The following CAST variants were observed in gnomAD, a reference collection of about 807,000 sequenced individuals.
CAST encodes calpastatin, also known as MIR583 host.
CAST carries 76 observed loss-of-function variants against 119.6 expected under a neutral mutation model. That is an observed-to-expected ratio of 0.64 (90% CI 0.53 to 0.77). CAST has a LOEUF of 0.77. Among genes scored for constraint, CAST ranks in the 30% least tolerant of loss-of-function variants. CAST has a pLI of 0.00. For missense variants in CAST, 953 were observed against 946.5 expected, an observed-to-expected ratio of 1.01 and a Z score of -0.09; for synonymous variants, 319 against 331.6, an observed-to-expected ratio of 0.96 and a Z score of 0.41.
chr5:96,196,891 G>C, the CAST span, among the ~76,000 whole-genome samples: 2 of 152,326 alleles, frequency 1.3e-5, no homozygotes, highest in South Asian at 2.1e-4. Context: ...GCAGCTAGCA[G>C]ACTGTTACAT....
chr5:96,429,216 A>G, the CAST span: 26 of 1,491,568 alleles, frequency 1.7e-5, no homozygotes, highest in South Asian at 2.5e-4. Context: ...CACTTACACG[A>G]TCATCATCAG....
At chr5:96,257,704 C>T in the CAST span, among the ~76,000 whole-genome samples, 1 of 152,220 alleles carries the variant, frequency 6.6e-6, no homozygotes, top group South Asian at 2.1e-4. Context: ...TTTATTGATT[C>T]ATTGGTAACT....
At chr5:96,389,270 A>G in the CAST span, among the ~76,000 whole-genome samples, 1 of 152,216 alleles carries the variant, frequency 6.6e-6, no homozygotes, top group Non-Finnish European at 1.5e-5. Flanking sequence ...TTACCACAAA[A>G]GAAAAAAGGT....
the CAST span, among the ~76,000 whole-genome samples, chr5:95,965,643 T>C: frequency 4.6e-5 from 7 of 152,370 alleles, no homozygotes; most frequent in East Asian, 1.3e-3. Flanking sequence ...CTTGCTCCCT[T>C]GTGCAATGGT....
At chr5:96,547,337 G>A (rs1487930390) in intron 1 of CAST, among the ~76,000 whole-genome samples, 1 of 152,188 alleles carries the variant, frequency 6.6e-6, no homozygotes, top group East Asian at 1.9e-4. Context: ...CCCAGTTCCA[G>A]GCTGAAGGCA....
At chr5:95,999,985 G>C in the CAST span, among the ~76,000 whole-genome samples, 3 of 151,936 alleles carry the variant, frequency 2.0e-5, no homozygotes, top group South Asian at 6.2e-4. Flanking sequence ...GTTTTAATTT[G>C]TTTCCCTAAC....
chr5:96,036,660 G>C, the CAST span, among the ~76,000 whole-genome samples: 1 of 152,084 alleles, frequency 6.6e-6, no homozygotes, highest in East Asian at 1.9e-4. Flanking sequence ...CTAGTGAATA[G>C]GTAAGACTTG....
chr5:96,619,834 C>G (rs973461472), intron 1 of CAST, among the ~76,000 whole-genome samples: 1 of 152,204 alleles, frequency 6.6e-6, no homozygotes, highest in Non-Finnish European at 1.5e-5. Context: ...CATTACAAGT[C>G]CTGCATCTGA....
chr5:96,194,491 A>G, the CAST span, among the ~76,000 whole-genome samples: 1 of 152,224 alleles, frequency 6.6e-6, no homozygotes, highest in Non-Finnish European at 1.5e-5. Context: ...AGCGAAGGAA[A>G]CACAGCTACG....
At chr5:96,393,272 G>A in the CAST span, 21 of 1,613,888 alleles carry the variant, frequency 1.3e-5, no homozygotes, top group Non-Finnish European at 1.6e-5. Context: ...CATGGCCTGG[G>A]AAGGGGCTCC....
chr5:96,430,711 A>G, the CAST span, among the ~76,000 whole-genome samples: 2 of 152,250 alleles, frequency 1.3e-5, no homozygotes, highest in African/African-American at 4.8e-5. Flanking sequence ...TTCTAATAAA[A>G]TAATTTTGTT....
At chr5:96,471,764 CTGTGTGTG>C in the CAST span, among the ~76,000 whole-genome samples, 5 of 70,654 alleles carry the variant, frequency 7.1e-5, no homozygotes, top group Non-Finnish European at 1.2e-4. Context: ...CAAATGGAGT[CTGTGTGTG>C]TGTGTGTGTG....
At chr5:96,679,164 T>C (rs1751044827) in intron 2 of CAST, among the ~76,000 whole-genome samples, 1 of 152,106 alleles carries the variant, frequency 6.6e-6, no homozygotes, top group Non-Finnish European at 1.5e-5. Flanking sequence ...CAGCTACCTA[T>C]AGCAATTGTA....
At chr5:96,119,560 T>C in the CAST span, among the ~76,000 whole-genome samples, 1 of 152,130 alleles carries the variant, frequency 6.6e-6, no homozygotes, top group African/African-American at 2.4e-5. Flanking sequence ...GTTTGCATAA[T>C]CTGTTACTAA....
At chr5:96,689,410 T>A (rs1752463024) in intron 2 of CAST, among the ~76,000 whole-genome samples, 1 of 152,192 alleles carries the variant, frequency 6.6e-6, no homozygotes, top group South Asian at 2.1e-4. Context: ...TATTTCTAGG[T>A]AATATATTCA....
chr5:96,250,375 G>A, the CAST span, among the ~76,000 whole-genome samples: 1 of 152,104 alleles, frequency 6.6e-6, no homozygotes, highest in African/African-American at 2.4e-5. Flanking sequence ...TCATCCTGAA[G>A]ATGCAATTCT....
chr5:96,672,757 T>C (rs1379606825), intron 1 of CAST, among the ~76,000 whole-genome samples: 1 of 151,560 alleles, frequency 6.6e-6, no homozygotes, highest in African/African-American at 2.4e-5. Flanking sequence ...TTCATGAAGT[T>C]CTAAAAAAGT....
chr5:96,049,741 C>T, the CAST span, among the ~76,000 whole-genome samples: 1 of 151,530 alleles, frequency 6.6e-6, no homozygotes, highest in Non-Finnish European at 1.5e-5. Flanking sequence ...ACAGTTGGCT[C>T]TGTGAGTCTG....
At chr5:96,580,638 T>G (rs990867093) in intron 1 of CAST, among the ~76,000 whole-genome samples, 1 of 152,206 alleles carries the variant, frequency 6.6e-6, no homozygotes, top group Non-Finnish European at 1.5e-5. Context: ...GTTATGTTGG[T>G]CAATGGATTA....
Sources: allele counts gnomAD v4.1 joint callset (sites outside exome capture counted in the v4.1 genomes callset), GRCh38; gene constraint gnomAD v4.1.1; transcripts MANE v1.5; gene names NCBI Gene and HGNC (gene_info 2026-07-23, HGNC 2026-07-21).